The following UBN1 variants were observed in gnomAD, a reference collection of about 807,000 sequenced individuals.
UBN1 encodes ubinuclein 1.
In UBN1, 17 loss-of-function variants were observed where a neutral mutation model predicts 108.5. The ratio of observed to expected loss-of-function variants is 0.16; its 90% CI spans 0.11 to 0.24. The LOEUF is 0.24. Ranked by LOEUF, UBN1 falls within the 10% of genes least tolerant of loss-of-function variation. UBN1 has a pLI of 1.00. For missense variants in UBN1, 1,595 were observed against 1,394.4 expected (o/e 1.14, Z -2.29); for synonymous variants, 726 against 564.2 (o/e 1.29, Z -4.07).
intron 2 of UBN1, among the ~76,000 whole-genome samples, chr16:4,854,968 C>A (rs971925015): frequency 6.6e-6 from 1 of 152,104 alleles, no homozygotes; most frequent in Non-Finnish European, 1.5e-5. Flanking sequence ...GTGATCCGCC[C>A]GTCTCTGCCT....
intron 7 of UBN1, among the ~76,000 whole-genome samples, chr16:4,862,101 G>C (rs953719139): frequency 1.3e-5 from 2 of 152,160 alleles, no homozygotes; most frequent in Admixed American, 1.3e-4. Flanking sequence ...TTACCTTTAA[G>C]TTAAAATAAC....
rs1555509977 is a variant in UBN1 at position 4,849,957 on chromosome 16, A to AAAAAAAAC, written c.-40+1754_-40+1755insCAAAAAAA. 2.0e-3 allele frequency among the ~76,000 whole-genome samples: 294 copies of AAAAAAAAC among 147,480 alleles called. 12 individuals are homozygous for AAAAAAAAC. The highest frequency in any genetic ancestry group is 7.4e-3 in the African/African-American group (283 of 38,134). ...GTGAGGCAACTGTCTCACAAAAAAAAAAAAAAAAACCACAAAAAAAGCTAA... is the reference window on the plus strand; with the variant it reads ...GTGAGGCAACTGTCTCACAAAAAAAAAAAAAAACAAAAAAAAACCACAAAAAAAGCTAA... On this transcript the variant is annotated intron_variant, in intron 1 of 17. Transcript: ENST00000262376.
At chr16:4,871,030 C>A (rs773191778) in intron 11 of UBN1, 58 bp downstream of exon 11, 4 of 1,608,180 alleles carry the variant, frequency 2.5e-6, no homozygotes, top group South Asian at 2.2e-5. Context: ...TGTCTGAGCA[C>A]GTCCCCTATT....
Position 4,857,854 on chromosome 16 carries a change from G to A in UBN1, c.250-136G>A, listed in dbSNP as rs531922919. The stretch of plus-strand genomic sequence containing the variant: ...TAATTAAGATAAACATTGATGAGAT[G>A]GTAGCATGTTTTCTACCTTGCCCTT... On this transcript the variant is annotated intron_variant, in intron 2 of 17. Transcript: ENST00000262376. The A allele has an allele frequency of 1.1e-4, 70 of 659,356 alleles. No individual in the cohort carries two copies. In the African/African-American group the frequency reaches 1.1e-3, roughly 10 times the overall value. The allele number at this position is 659,356 out of a possible 1,614,324, so 40.8% of individuals were successfully genotyped here.
chr16:4,871,384 T>G, intron 12 of UBN1, 83 bp downstream of exon 12: 1 of 1,537,624 alleles, frequency 6.5e-7, no homozygotes, highest in South Asian at 1.3e-5. Context: ...ACAGGATCCT[T>G]GCTCACAGGG....
At chr16:4,855,801 C>A (rs1267165076) in intron 2 of UBN1, among the ~76,000 whole-genome samples, 3 of 152,084 alleles carry the variant, frequency 2.0e-5, no homozygotes, top group Admixed American at 2.0e-4. Context: ...TGCATGTAAT[C>A]CCAGCTACTC....
At chr16:4,863,998 G>T (rs574726366) in intron 7 of UBN1, among the ~76,000 whole-genome samples, 1 of 152,186 alleles carries the variant, frequency 6.6e-6, no homozygotes, top group African/African-American at 2.4e-5. Context: ...AAGGATTAGG[G>T]AGCTAGGGTG....
intron 8 of UBN1, 83 bp from the exon 9 acceptor site, chr16:4,870,129 C>G: frequency 1.3e-6 from 2 of 1,585,122 alleles, no homozygotes; most frequent in Middle Eastern, 1.7e-4. Context: ...TGGCTCCTAG[C>G]TTTCCTCTCC....
At chr16:4,867,078 G>T (rs985014109) in intron 7 of UBN1, among the ~76,000 whole-genome samples, 2 of 152,214 alleles carry the variant, frequency 1.3e-5, no homozygotes, top group African/African-American at 4.8e-5. Context: ...GGATGGCTGG[G>T]CCAGATCGTG....
chr16:4,864,916 G>A (rs111940665), intron 7 of UBN1, among the ~76,000 whole-genome samples: 4 of 152,254 alleles, frequency 2.6e-5, no homozygotes, highest in South Asian at 2.1e-4. Flanking sequence ...AATCATGCCC[G>A]ATTTTCTCCT....
chr16:4,861,185 C>G (rs1239672254), intron 7 of UBN1, 83 bp downstream of exon 7: 1 of 1,433,808 alleles, frequency 7.0e-7, no homozygotes, highest in South Asian at 1.4e-5. Flanking sequence ...GAAGCTTGCC[C>G]AGAGAAACTC....
In UBN1 at chr16:4,873,053, C is replaced by T; in HGVS notation, c.1780C>T (p.Pro594Ser). ...CAGGGCCAAGAAGAAAGTTATGGCC[C>T]CTTCTAAAATCAAGGTGAAGGTGAG... ...SILAKKKVMA[P>S]SKIKVKESST... The change falls in exon 14 of 18, where the codon CCT (proline) becomes TCT (serine). Residue 594 changes from proline (P) to serine (S), a missense_variant. By Grantham distance (74) the Pro-to-Ser change is moderately conservative. Around this residue, in one of 3 missense-constraint regions of UBN1, gnomAD observed 1,398 missense variants for 1,194.7 expected, o/e 1.17. Transcript: ENST00000262376. The T allele has an allele frequency of 3.1e-6, 5 of 1,614,162 alleles. No individual in the cohort carries two copies. The highest frequency in any genetic ancestry group is 4.2e-6 in the Non-Finnish European group (5 of 1,180,034).
chr16:4,870,575 A>G lies in UBN1; in HGVS notation c.1371A>G (p.Pro457=), dbSNP rs1209036172. ...AGGAAGCCATTGGCAGGGCGATGCCAGAGCAGATGGCCAAGTACCAGGACG... is the reference window on the plus strand; with the variant it reads ...AGGAAGCCATTGGCAGGGCGATGCCGGAGCAGATGGCCAAGTACCAGGACG... ...KLKEAIGRAM[P]EQMAKYQDEC... The change falls in exon 10 of 18, where the codon CCA becomes CCG. Residue 457 remains proline (P), a synonymous_variant. Transcript: ENST00000262376. 2 of 1,614,270 alleles carry G rather than the reference A, an allele frequency of 1.2e-6. No individual in the cohort carries two copies. Among genetic ancestry groups the G allele is most frequent in the South Asian group, 1.1e-5 (1 of 91,086 alleles).
rs956572397 is a variant in UBN1, at chr16:4,874,151, A to G, written c.1801-60A>G. The G allele has an allele frequency of 8.7e-6, 13 of 1,499,966 alleles. No individual in the cohort carries two copies. In the Admixed American group the frequency reaches 2.0e-4, roughly 24 times the overall value. The allele number at this position is 1,499,966 out of a possible 1,614,324, so 92.9% of individuals were successfully genotyped here. ...GAGTTCACATGTTTGTATCCTCACA[A>G]CAGGCCAATGTTGGCATCTTTGGAC... On this transcript the variant is annotated intron_variant, in intron 14 of 17. Coordinates refer to ENST00000262376, the MANE Select transcript of UBN1 (RefSeq NM_001079514.3).
intron 15 of UBN1, among the ~76,000 whole-genome samples, chr16:4,875,954 CTTTTTTTCTTTTT>C (rs1467714710): frequency 7.5e-6 from 1 of 132,940 alleles, no homozygotes; most frequent in Non-Finnish European, 1.7e-5. Context: ...ATTTTCTTTT[CTTTTTTTCTTTTT>C]TTTTTTTTTG....
intron 1 of UBN1, among the ~76,000 whole-genome samples, chr16:4,850,574 T>A (rs1018530156): frequency 1.3e-5 from 2 of 152,168 alleles, no homozygotes; most frequent in Non-Finnish European, 2.9e-5. Flanking sequence ...TTTAGGGAAA[T>A]CTCCTTTAAC....
chr16:4,875,973 T>TC (rs943580448), intron 15 of UBN1, among the ~76,000 whole-genome samples: 1 of 151,662 alleles, frequency 6.6e-6, no homozygotes, highest in Non-Finnish European at 1.5e-5. Context: ...TTTTTTTTTT[T>TC]TTTGAGACGA....
At chr16:4,860,469 A>G (rs896144857) in intron 6 of UBN1, among the ~76,000 whole-genome samples, 195 bp from the exon 7 acceptor site, 5 of 152,174 alleles carry the variant, frequency 3.3e-5, no homozygotes, top group Non-Finnish European at 5.9e-5. Flanking sequence ...CTGTGTTGCT[A>G]ACCTGTATTA....
intron 11 of UBN1, 69 bp from the exon 12 acceptor site, chr16:4,871,086 G>T: frequency 3.7e-6 from 6 of 1,605,636 alleles, no homozygotes; most frequent in Non-Finnish European, 5.1e-6. Flanking sequence ...GCTGCTGAAA[G>T]CACATGATTG....
Sources: allele counts gnomAD v4.1 joint callset (sites outside exome capture counted in the v4.1 genomes callset), GRCh38; gene constraint gnomAD v4.1.1; regional missense constraint gnomAD v4.1.1; transcripts MANE v1.5; gene names NCBI Gene and HGNC (gene_info 2026-07-23, HGNC 2026-07-21).